Variants in NELL1 observed in about 807,000 individuals in gnomAD.
The protein encoded by NELL1 is neural EGFL like 1, also known as protein kinase C-binding protein NELL1.
A neutral mutation model predicts 107.4 loss-of-function variants in NELL1; 76 were observed. The observed-to-expected ratio is 0.71, with a 90% CI of 0.59 to 0.86. The LOEUF (loss-of-function observed/expected upper bound fraction) is 0.86. Ranked by LOEUF, NELL1 falls within the 40% of genes least tolerant of loss-of-function variation. NELL1 has a pLI of 0.00. For synonymous variants in NELL1, 353 were observed against 341.2 expected (o/e 1.03, Z -0.38); for missense variants, 1,024 against 1,005.5 (o/e 1.02, Z -0.25).
intron 4 of NELL1, among the ~76,000 whole-genome samples, chr11:20,866,288 C>T (rs1849095005): frequency 6.6e-6 from 1 of 152,084 alleles, no homozygotes; most frequent in Non-Finnish European, 1.5e-5. Context: ...AGAACAGGAC[C>T]TAACAAAATA....
At chr11:20,795,312 T>A (rs1857148975) in intron 3 of NELL1, among the ~76,000 whole-genome samples, 1 of 152,204 alleles carries the variant, frequency 6.6e-6, no homozygotes, top group Non-Finnish European at 1.5e-5. Context: ...CTATTAAAAA[T>A]GTACCTGGAG....
At chr11:21,259,247 G>T (rs1346253658) in intron 14 of NELL1, among the ~76,000 whole-genome samples, 3 of 151,814 alleles carry the variant, frequency 2.0e-5, no homozygotes, top group Admixed American at 1.3e-4. Flanking sequence ...ATGGAGAAAC[G>T]TTTGATAACT....
intron 12 of NELL1, among the ~76,000 whole-genome samples, chr11:21,091,357 G>A: frequency 6.6e-6 from 1 of 152,218 alleles, no homozygotes; most frequent in East Asian, 1.9e-4. Context: ...TCAGTTATGT[G>A]AGAACGGGGA....
chr11:21,351,286 A>G (rs576639155), intron 14 of NELL1, among the ~76,000 whole-genome samples: 1 of 152,178 alleles, frequency 6.6e-6, no homozygotes, highest in East Asian at 1.9e-4. Flanking sequence ...TGTTGGTTTA[A>G]GTCACCAAGT....
chr11:21,449,143 G>C (rs7948208), intron 15 of NELL1, among the ~76,000 whole-genome samples: 66,271 of 151,980 alleles, frequency 0.44, 15,050 homozygotes, highest in African/African-American at 0.56. Flanking sequence ...AACTGTTTTC[G>C]AAATTGATTA....
chr11:21,374,640 A>G (rs1851429106), intron 15 of NELL1, among the ~76,000 whole-genome samples: 1 of 152,068 alleles, frequency 6.6e-6, no homozygotes, highest in South Asian at 2.1e-4. Flanking sequence ...TTGTGGGCAT[A>G]TTTTAAAACC....
At chr11:21,537,529 C>A (rs1856168543) in intron 16 of NELL1, among the ~76,000 whole-genome samples, 1 of 152,106 alleles carries the variant, frequency 6.6e-6, no homozygotes, top group Non-Finnish European at 1.5e-5. Flanking sequence ...TGGAGACCCT[C>A]CCTGGCTTTT....
At chr11:20,925,182 A>G (rs1300616394) in intron 7 of NELL1, among the ~76,000 whole-genome samples, 1 of 152,170 alleles carries the variant, frequency 6.6e-6, no homozygotes, top group African/African-American at 2.4e-5. Context: ...AGTATCACCA[A>G]ACTCAGCAGT....
At position 21,319,515 on chromosome 11, in the gene NELL1, TA is replaced by T. The variant is rs1420421429; in HGVS notation, c.1550-51337del. On this transcript the variant is annotated intron_variant, in intron 14 of 19. Transcript: ENST00000357134. ...AAATTTATATATATATATATATATA[TA>T]TTTTTAGTAGAGACAGGTTTTTAAC... Among the ~76,000 whole-genome samples the T allele has an allele frequency of 7.2e-3, 1,057 of 146,598 alleles. 24 individuals are homozygous for T. Among genetic ancestry groups the T allele is most frequent in the African/African-American group, 0.024 (977 of 40,230 alleles).
At position 21,170,008 on chromosome 11, in the gene NELL1, C is replaced by T. The variant is rs73454576; in HGVS notation, c.1426+56294C>T. 8 of 1,245,940 alleles carry T rather than the reference C, an allele frequency of 6.4e-6. No homozygotes were observed. In the African/African-American group the frequency reaches 1.2e-4, roughly 19 times the overall value. The allele number at this position is 1,245,940 out of a possible 1,614,324, so 77.2% of individuals were successfully genotyped here. A position where few individuals can be genotyped will look rare whatever the true frequency, so the allele number is the denominator to read the frequency against. On this transcript the variant is annotated intron_variant, in intron 13 of 19. Transcript: ENST00000357134. ...TGCGGGCTCCTCAGGCTTTTGAGCA[C>T]TCAGATGTGGACAGGGTTGTCATCA...
intron 13 of NELL1, among the ~76,000 whole-genome samples, chr11:21,174,866 G>A (rs1356101397): frequency 4.6e-5 from 7 of 151,624 alleles, no homozygotes; most frequent in Non-Finnish European, 8.8e-5. Context: ...TGAAATATGA[G>A]CAAATGAGAG....
chr11:21,502,182 T>C (rs935120021), intron 15 of NELL1, among the ~76,000 whole-genome samples: 1 of 152,104 alleles, frequency 6.6e-6, no homozygotes, highest in Non-Finnish European at 1.5e-5. Context: ...AATGGACAAA[T>C]GAATGAGTGA....
At chr11:20,975,542 TTA>T (rs1321469158) in intron 12 of NELL1, among the ~76,000 whole-genome samples, 1 of 144,786 alleles carries the variant, frequency 6.9e-6, no homozygotes, top group Non-Finnish European at 1.5e-5. Context: ...ATATTATGTA[TTA>T]TATATACATA....
intron 15 of NELL1, among the ~76,000 whole-genome samples, chr11:21,494,919 C>CT (rs143725463): frequency 0.015 from 2,307 of 152,022 alleles, 57 homozygotes; most frequent in African/African-American, 0.052. Flanking sequence ...GTAGAGCCAT[C>CT]TTTTTCATCA....
intron 16 of NELL1, among the ~76,000 whole-genome samples, chr11:21,542,687 G>A (rs890943469): frequency 2.0e-5 from 3 of 152,034 alleles, no homozygotes; most frequent in Non-Finnish European, 4.4e-5. Flanking sequence ...AAAAAGGAAA[G>A]AAAGGGTGGG....
At chr11:20,712,390 A>C (rs1855135328) in intron 2 of NELL1, among the ~76,000 whole-genome samples, 1 of 151,946 alleles carries the variant, frequency 6.6e-6, no homozygotes, top group East Asian at 1.9e-4. Context: ...CTTGGTTTTC[A>C]CCTTTCTCTG....
intron 7 of NELL1, among the ~76,000 whole-genome samples, chr11:20,921,918 G>C (rs1346687): frequency 6.6e-6 from 1 of 151,384 alleles, no homozygotes; most frequent in African/African-American, 2.4e-5. Flanking sequence ...TTTCAAACCA[G>C]ATTGCTCAGA....
intron 12 of NELL1, among the ~76,000 whole-genome samples, chr11:20,975,509 A>G (rs1209948630): frequency 6.8e-6 from 1 of 146,346 alleles, no homozygotes; most frequent in Non-Finnish European, 1.5e-5. Context: ...AATATATTAT[A>G]TATTATTTAA....
intron 4 of NELL1, among the ~76,000 whole-genome samples, chr11:20,871,261 C>T (rs1409735950): frequency 6.6e-6 from 1 of 152,156 alleles, no homozygotes; most frequent in Non-Finnish European, 1.5e-5. Context: ...TGATACAGGT[C>T]AGTCTCCTGT....
Sources: gnomAD v4.1 joint callset for allele counts (sites outside exome capture counted in the v4.1 genomes callset) on GRCh38, gnomAD v4.1.1 for gene constraint, MANE v1.5 for transcripts, NCBI Gene and HGNC (gene_info 2026-07-23, HGNC 2026-07-21) for gene names.